The following HS3ST4 variants were observed in gnomAD, a reference collection of about 807,000 sequenced individuals.
The protein encoded by HS3ST4 is heparan sulfate-glucosamine 3-sulfotransferase 4.
Under a neutral mutation model 29.2 loss-of-function variants are expected in HS3ST4, and 17 were observed. The ratio of observed to expected loss-of-function variants is 0.58; its 90% CI spans 0.40 to 0.87. The LOEUF (loss-of-function observed/expected upper bound fraction) is 0.87, where lower values mean the gene tolerates loss of function less well. HS3ST4 is among the 40% of genes least tolerant of loss of function. The pLI, the probability that HS3ST4 is intolerant of heterozygous loss-of-function variation, is 0.00. For synonymous variants in HS3ST4, 314 were observed against 285.7 expected (o/e 1.10, Z -1.00); for missense variants, 627 against 634.5 (o/e 0.99, Z 0.13).
At chr16:25,794,661 T>A (rs940539313) in intron 1 of HS3ST4, among the ~76,000 whole-genome samples, 1 of 151,328 alleles carries the variant, frequency 6.6e-6, no homozygotes, top group South Asian at 2.1e-4. Flanking sequence ...TTTTTCTCTG[T>A]TTTTTGTTTT....
At chr16:25,747,670 G>A (rs991852554) in intron 1 of HS3ST4, among the ~76,000 whole-genome samples, 1 of 152,222 alleles carries the variant, frequency 6.6e-6, no homozygotes, top group Non-Finnish European at 1.5e-5. Context: ...TGACACCAAT[G>A]TCTGTGCTCT....
At position 26,047,848 on chromosome 16, in the gene HS3ST4, G is replaced by T. The variant is rs113803229; in HGVS notation, c.735-87764G>T. ...AAGGTGGTGATGATGGACCATGAGC[G>T]GTGTAACAGAGACTGCAGGATTTGG... On this transcript the variant is annotated intron_variant, in intron 1 of 1. Coordinates refer to ENST00000331351, the MANE Select transcript of HS3ST4 (RefSeq NM_006040.3). 5.7e-3 allele frequency among the ~76,000 whole-genome samples: 868 copies of T among 152,262 alleles called. 8 individuals carry two copies. The highest frequency in any genetic ancestry group is 0.02 in the African/African-American group (829 of 41,550).
At chr16:26,099,239 C>T (rs143585717) in intron 1 of HS3ST4, among the ~76,000 whole-genome samples, 5 of 152,302 alleles carry the variant, frequency 3.3e-5, no homozygotes, top group African/African-American at 7.2e-5. Context: ...ACTGCAGCCT[C>T]AACGTCCTGG....
chr16:25,789,623 G>A (rs1415754260), intron 1 of HS3ST4, among the ~76,000 whole-genome samples: 1 of 150,974 alleles, frequency 6.6e-6, no homozygotes, highest in Non-Finnish European at 1.5e-5. Flanking sequence ...ACATGTACAT[G>A]AATGTGCCTA....
intron 1 of HS3ST4, among the ~76,000 whole-genome samples, chr16:25,996,376 A>G (rs1232938405): frequency 1.3e-5 from 2 of 152,334 alleles, no homozygotes; most frequent in South Asian, 4.1e-4. Flanking sequence ...ACAAATGCAT[A>G]TAATTTTAAA....
At chr16:26,097,378 A>T (rs932780017) in intron 1 of HS3ST4, among the ~76,000 whole-genome samples, 6 of 152,222 alleles carry the variant, frequency 3.9e-5, no homozygotes, top group Non-Finnish European at 8.8e-5. Context: ...CTGGTACCAA[A>T]ACAGATATAT....
chr16:25,973,982 T>G (rs1304309136), intron 1 of HS3ST4, among the ~76,000 whole-genome samples: 1 of 152,312 alleles, frequency 6.6e-6, no homozygotes, highest in African/African-American at 2.4e-5. Context: ...TGTCTGTACG[T>G]CTGCATGAGA....
chr16:25,791,549 A>G (rs963645409), intron 1 of HS3ST4, among the ~76,000 whole-genome samples: 1 of 152,134 alleles, frequency 6.6e-6, no homozygotes, highest in Non-Finnish European at 1.5e-5. Context: ...AGAATGTGGT[A>G]TAACCTTTCA....
intron 1 of HS3ST4, among the ~76,000 whole-genome samples, chr16:25,960,009 G>T (rs1219336833): frequency 6.6e-6 from 1 of 152,108 alleles, no homozygotes; most frequent in Non-Finnish European, 1.5e-5. Context: ...GGTGTTGGGT[G>T]CCTGTAATCC....
intron 1 of HS3ST4, among the ~76,000 whole-genome samples, chr16:25,899,473 G>A (rs1456978085): frequency 1.3e-5 from 2 of 151,792 alleles, no homozygotes; most frequent in African/African-American, 4.8e-5. Flanking sequence ...TGCAATGTCA[G>A]GACAGGTATG....
chr16:25,873,586 A>G lies in HS3ST4; in HGVS notation c.734+180435A>G, dbSNP rs1249491421. Among the ~76,000 whole-genome samples the G allele has an allele frequency of 3.3e-5, 5 of 150,370 alleles. No individual in the cohort carries two copies. The East Asian group carries it at 9.9e-4, about 30-fold the overall frequency. ...CATCCATCCACCCATTTGTCCATCC[A>G]TCCATTCATCCATCCATCCATCCAC... On this transcript the variant is annotated intron_variant, in intron 1 of 1. Transcript: ENST00000331351.
chr16:26,115,133 T>A (rs1276680645), intron 1 of HS3ST4, among the ~76,000 whole-genome samples: 2 of 152,032 alleles, frequency 1.3e-5, no homozygotes, highest in Non-Finnish European at 2.9e-5. Context: ...AGTATGATAA[T>A]ATTTGTGTCA....
chr16:26,049,315 AC>A (rs1040210334), intron 1 of HS3ST4, among the ~76,000 whole-genome samples: 9 of 141,314 alleles, frequency 6.4e-5, no homozygotes, highest in African/African-American at 2.4e-4. Context: ...AAAAAGGTGG[AC>A]CTGCTGGGAA....
At chr16:25,719,607 A>G (rs2141588909) in intron 1 of HS3ST4, among the ~76,000 whole-genome samples, 1 of 152,298 alleles carries the variant, frequency 6.6e-6, no homozygotes, top group Non-Finnish European at 1.5e-5. Flanking sequence ...TTTGAACTAT[A>G]GTTTGTTGCA....
chr16:25,891,411 G>A (rs1195883568), intron 1 of HS3ST4, among the ~76,000 whole-genome samples: 1 of 152,140 alleles, frequency 6.6e-6, no homozygotes, highest in Non-Finnish European at 1.5e-5. Flanking sequence ...CAAACTTAAA[G>A]GCTAGGGGTA....
chr16:26,027,644 G>C (rs1261544469), intron 1 of HS3ST4, among the ~76,000 whole-genome samples: 2 of 152,130 alleles, frequency 1.3e-5, no homozygotes, highest in Non-Finnish European at 2.9e-5. Context: ...AGCTTCCTAG[G>C]ACCACTGCCA....
rs191613702 is a variant in HS3ST4 at position 25,826,834 on chromosome 16, C to T, written c.734+133683C>T. 1.8e-3 allele frequency among the ~76,000 whole-genome samples: 268 copies of T among 152,128 alleles called. 2 individuals are homozygous for T. The highest frequency in any genetic ancestry group is 6.0e-3 in the African/African-American group (249 of 41,496). On this transcript the variant is annotated intron_variant, in intron 1 of 1. Coordinates refer to ENST00000331351, the MANE Select transcript of HS3ST4 (RefSeq NM_006040.3). ...ATATAATTTCCATGAGTGGGTTTATCTCTTTATAAATCAGACATGCTTGCC... is the reference window on the plus strand; with the variant it reads ...ATATAATTTCCATGAGTGGGTTTATTTCTTTATAAATCAGACATGCTTGCC...
chr16:26,070,505 A>C (rs535900398), intron 1 of HS3ST4, among the ~76,000 whole-genome samples: 5 of 152,262 alleles, frequency 3.3e-5, no homozygotes, highest in Admixed American at 3.3e-4. Flanking sequence ...CAACCCACAG[A>C]CTCATAAGAT....
At chr16:25,875,348 C>T (rs1456803065) in intron 1 of HS3ST4, among the ~76,000 whole-genome samples, 1 of 152,088 alleles carries the variant, frequency 6.6e-6, no homozygotes, top group Non-Finnish European at 1.5e-5. Context: ...ACTGGTCATT[C>T]GCGGCACTGA....
Sources: gnomAD v4.1 joint callset for allele counts (sites outside exome capture counted in the v4.1 genomes callset) on GRCh38, gnomAD v4.1.1 for gene constraint, MANE v1.5 for transcripts, NCBI Gene and HGNC (gene_info 2026-07-23, HGNC 2026-07-21) for gene names.